OSBPL9: variants seen among roughly 807,000 people sequenced by gnomAD.
OSBPL9 encodes oxysterol-binding protein-related protein 9.
OSBPL9 carries 40 observed loss-of-function variants against 106.6 expected under a neutral mutation model. That is an observed-to-expected ratio of 0.38 (90% confidence interval 0.29 to 0.49). The LOEUF (loss-of-function observed/expected upper bound fraction) is 0.49. Among genes scored for constraint, OSBPL9 ranks in the 20% least tolerant of loss-of-function variants. OSBPL9 has a pLI of 0.97. For missense variants in OSBPL9, 609 were observed against 887.2 expected (o/e 0.69, Z 3.98); for synonymous variants, 269 against 295.4 (o/e 0.91, Z 0.92).
intron 11 of OSBPL9, among the ~76,000 whole-genome samples, chr1:51,764,583 C>CTTTTTTT (rs531240886): frequency 1.5e-5 from 2 of 135,712 alleles, no homozygotes; most frequent in African/African-American, 5.4e-5. Flanking sequence ...ACTCTGGATT[C>CTTTTTTT]TTTTTTTTTT....
chr1:51,724,757 G>T, intron 4 of OSBPL9: 1 of 171,514 alleles, frequency 5.8e-6, no homozygotes, highest in South Asian at 1.5e-4. Flanking sequence ...TTTTTTGCTT[G>T]TTTGTTTTTG....
At position 51,788,432 on chromosome 1, in the gene OSBPL9, G is replaced by C. The variant is rs1176193497; in HGVS notation, c.*643G>C. The stretch of plus-strand genomic sequence containing the variant: ...TAATTAATTATTCTTAGTGCTTAAG[G>C]CTTCATAAAGTAATTTTTCCAACCT... On this transcript the variant is annotated 3_prime_UTR_variant, in exon 24 of 24. Coordinates refer to ENST00000428468, the MANE Select transcript of OSBPL9 (RefSeq NM_024586.6). The C allele has an allele frequency of 6.6e-6, 1 of 152,448 alleles. No homozygotes were observed. Among genetic ancestry groups the C allele is most frequent in the Non-Finnish European group, 1.5e-5 (1 of 68,030 alleles). The allele number at this position is 152,448 out of a possible 1,614,324, so 9.4% of individuals were successfully genotyped here.
chr1:51,776,858 AAAG>A lies in OSBPL9; in HGVS notation c.1201_1203del (p.Arg401del), dbSNP rs754108493. ...GTAGTTCTTCCAACGTTTATTCTTG[AAAG>A]AAGATCTCTTTTAGAAATGTATGCA... On this transcript the variant is annotated inframe_deletion, in exon 15 of 24. Coordinates refer to ENST00000428468, the MANE Select transcript of OSBPL9 (RefSeq NM_024586.6). 2 of 1,611,864 alleles carry A rather than the reference AAAG, an allele frequency of 1.2e-6. No homozygotes were observed. Among genetic ancestry groups the A allele is most frequent in the African/African-American group, 1.3e-5 (1 of 74,810 alleles).
chr1:51,585,175 T>TAAAA (rs11381242), intron 1 of OSBPL9, among the ~76,000 whole-genome samples: 1 of 141,042 alleles, frequency 7.1e-6, no homozygotes, highest in Non-Finnish European at 1.5e-5. Context: ...CCCCATCTCT[T>TAAAA]AAAAAAAAAA....
chr1:51,691,687 T>C (rs1655001348), intron 3 of OSBPL9, among the ~76,000 whole-genome samples: 1 of 152,186 alleles, frequency 6.6e-6, no homozygotes, highest in African/African-American at 2.4e-5. Flanking sequence ...ACATATTGTA[T>C]AGTTATAAAA....
In OSBPL9 at chr1:51,787,527, C is replaced by T. The variant is rs758294312; in HGVS notation, c.2136+39C>T. ...CCCCACCCTCCTAAGTGCTGTTCCT[C>T]CTAATTTATTTCAGTGAATGTTGAA... On this transcript the variant is annotated intron_variant, in intron 23 of 23. Transcript: ENST00000428468. 4 of 1,610,968 alleles carry T rather than the reference C, an allele frequency of 2.5e-6. No individual in the cohort carries two copies. The African/African-American group carries it at 5.3e-5, about 22-fold the overall frequency.
chr1:51,528,768 G>A, the OSBPL9 span, among the ~76,000 whole-genome samples: 6 of 151,856 alleles, frequency 4.0e-5, no homozygotes, highest in African/African-American at 1.5e-4. Flanking sequence ...AGCTCCTCAG[G>A]GGGCTAACGT....
In OSBPL9 at chr1:51,640,834, G is replaced by A. The variant is rs551236396; in HGVS notation, c.112-11157G>A. Among the ~76,000 whole-genome samples the A allele has an allele frequency of 2.0e-5, 3 of 150,518 alleles. No individual in the cohort carries two copies. The South Asian group carries it at 6.3e-4, about 32-fold the overall frequency. On this transcript the variant is annotated intron_variant, in intron 1 of 23. Transcript: ENST00000428468. ...TTTTTTTGAAACAGGCTCTCACTCT[G>A]ATGCCCAGACTGGAGTGCAGTGCAT...
the OSBPL9 span, among the ~76,000 whole-genome samples, chr1:51,521,700 A>C: frequency 6.6e-6 from 1 of 152,326 alleles, no homozygotes; most frequent in Admixed American, 6.5e-5. Flanking sequence ...ATCTCTAATA[A>C]ATAAATAACA....
At chr1:51,575,821 A>C (rs1208466866), upstream of OSBPL9, among the ~76,000 whole-genome samples, 1 of 152,216 alleles carries the variant, frequency 6.6e-6, no homozygotes, top group Admixed American at 6.5e-5. Flanking sequence ...CCCCACATGA[A>C]AGATGTCTTC....
intron 4 of OSBPL9, among the ~76,000 whole-genome samples, 163 bp downstream of exon 4, chr1:51,714,242 A>AT (rs1660634149): frequency 6.6e-6 from 1 of 151,824 alleles, no homozygotes. Flanking sequence ...AGTTATACTC[A>AT]TTTATTTTCT....
In OSBPL9 at chr1:51,717,924, G is replaced by A. The variant is rs1325867092; in HGVS notation, c.318+3845G>A. Among the ~76,000 whole-genome samples the A allele has an allele frequency of 2.0e-5, 3 of 152,156 alleles. No individual in the cohort carries two copies. The East Asian group carries it at 5.8e-4, about 29-fold the overall frequency. On this transcript the variant is annotated intron_variant, in intron 4 of 23. Coordinates refer to ENST00000428468, the MANE Select transcript of OSBPL9 (RefSeq NM_024586.6). ...TACCTGCACACCCAGGTTTATTGCA[G>A]CACTATTCACAATAGCCAAGATTTG...
chr1:51,617,339 C>A, intron 1 of OSBPL9, 118 bp downstream of exon 1: 3 of 1,010,272 alleles, frequency 3.0e-6, no homozygotes, highest in Non-Finnish European at 4.2e-6. Context: ...TGCCGCCGTA[C>A]GCGAGGGTTC....
intron 3 of OSBPL9, among the ~76,000 whole-genome samples, chr1:51,675,252 T>C (rs1264030077): frequency 6.6e-6 from 1 of 152,204 alleles, no homozygotes; most frequent in Non-Finnish European, 1.5e-5. Context: ...GGTCACACCC[T>C]GTGTAAAGGG....
At chr1:51,596,075 G>C (rs1243721910) in intron 1 of OSBPL9, among the ~76,000 whole-genome samples, 1 of 151,838 alleles carries the variant, frequency 6.6e-6, no homozygotes, top group Non-Finnish European at 1.5e-5. Flanking sequence ...TGGCCAACAT[G>C]GTGAAACCCC....
chr1:51,687,974 GT>G (rs1654179491), intron 3 of OSBPL9, among the ~76,000 whole-genome samples: 1 of 152,194 alleles, frequency 6.6e-6, no homozygotes, highest in South Asian at 2.1e-4. Flanking sequence ...AACCAAGGCA[GT>G]AACGGTGGTT....
At chr1:51,530,176 A>AAAAAAAAAAAAAACAC in the OSBPL9 span, among the ~76,000 whole-genome samples, 1 of 107,706 alleles carries the variant, frequency 9.3e-6, no homozygotes, top group Non-Finnish European at 1.9e-5. Flanking sequence ...GTCTCAAAAA[A>AAAAAAAAAAAAAACAC]AAAAAAAAAA....
At chr1:51,646,875 CAG>C (rs1646188806) in intron 1 of OSBPL9, among the ~76,000 whole-genome samples, 1 of 152,154 alleles carries the variant, frequency 6.6e-6, no homozygotes. Flanking sequence ...CTTCTTCAAA[CAG>C]AAATACTTTA....
At chr1:51,682,679 C>T (rs189979230) in intron 3 of OSBPL9, among the ~76,000 whole-genome samples, 60 of 151,884 alleles carry the variant, frequency 4.0e-4, no homozygotes, top group Non-Finnish European at 7.5e-4. Context: ...ATCGCTCGAA[C>T]CCAGGAGGGG....
Sources: gnomAD v4.1 joint callset for allele counts (sites outside exome capture counted in the v4.1 genomes callset) on GRCh38, gnomAD v4.1.1 for gene constraint, MANE v1.5 for transcripts, NCBI Gene and HGNC (gene_info 2026-07-23, HGNC 2026-07-21) for gene names.